The following PCDHGA4 variants were observed in gnomAD, a reference collection of about 807,000 sequenced individuals.
The protein encoded by PCDHGA4 is protocadherin gamma-A4.
Under a neutral mutation model 54.6 loss-of-function variants are expected in PCDHGA4, and 38 were observed. That is an observed-to-expected ratio of 0.70 (90% CI 0.54 to 0.91). The LOEUF (loss-of-function observed/expected upper bound fraction) is 0.91, where lower values mean the gene tolerates loss of function less well. PCDHGA4 is among the 40% of genes least tolerant of loss of function. The probability of loss-of-function intolerance (pLI) is 0.00; values close to 1 mark genes in which losing one functional copy is unlikely to be tolerated. For synonymous variants in PCDHGA4, 511 were observed against 512.9 expected (o/e 1.00, Z 0.05); for missense variants, 1,298 against 1,220.9 (o/e 1.06, Z -0.94).
chr5:141,399,721 G>C, intron 1 of PCDHGA4: 1 of 1,613,292 alleles, frequency 6.2e-7, no homozygotes, highest in Non-Finnish European at 8.5e-7. Flanking sequence ...ACAGGCCCGC[G>C]ACCAGGGCTC....
intron 1 of PCDHGA4, chr5:141,428,413 C>A: frequency 2.2e-6 from 1 of 461,904 alleles, no homozygotes; most frequent in Non-Finnish European, 4.0e-6. Context: ...TTGCTTTCAC[C>A]CTGGTCTCTG....
intron 1 of PCDHGA4, chr5:141,427,831 G>T: frequency 7.1e-6 from 11 of 1,539,366 alleles, no homozygotes; most frequent in Non-Finnish European, 9.8e-6. Context: ...GTCGCGCAGC[G>T]TGCCTTCGAC....
chr5:141,477,890 C>T lies in PCDHGA4; in HGVS notation c.2515-16917C>T, dbSNP rs202114426. ...TACCTCAGCTGGCCACCTAGTGTCA[C>T]GGGTGGTAGGCTGGGACGCGGATGC... is the stretch of plus-strand genomic sequence containing the variant. On this transcript the variant is annotated intron_variant, in intron 1 of 3. Coordinates refer to ENST00000571252, the MANE Select transcript of PCDHGA4 (RefSeq NM_018917.4). This position sits in a 1 kb window ranked among gnomAD's most constrained non-coding sequence, Gnocchi z 4.9. 9.9e-6 allele frequency: 16 copies of T among 1,614,086 alleles called. No individual in the cohort carries two copies. Among genetic ancestry groups the T allele is most frequent in the Admixed American group, 1.7e-5 (1 of 60,006 alleles).
chr5:141,478,435 G>A, intron 1 of PCDHGA4: 1 of 1,613,736 alleles, frequency 6.2e-7, no homozygotes, highest in Non-Finnish European at 8.5e-7. Context: ...ACCCGCTGCT[G>A]AAGAAACCTG....
chr5:141,388,433 A>G, intron 1 of PCDHGA4: 1 of 1,613,878 alleles, frequency 6.2e-7, no homozygotes, highest in Non-Finnish European at 8.5e-7. Flanking sequence ...TGATAAATAA[A>G]GAGAAATCAG....
rs1430298222 is a variant in PCDHGA4, at chr5:141,476,741, A to C, written c.2515-18066A>C. ...CGCCCTGGACCGAGAACGGGAGCCTAGTCTCCAGTTAGTGCTGACGGCGTT... is the reference window on the plus strand; with the variant it reads ...CGCCCTGGACCGAGAACGGGAGCCTCGTCTCCAGTTAGTGCTGACGGCGTT... On this transcript the variant is annotated intron_variant, in intron 1 of 3. Coordinates refer to ENST00000571252, the MANE Select transcript of PCDHGA4 (RefSeq NM_018917.4). The surrounding 1 kb of genome is among the most constrained non-coding windows in gnomAD (Gnocchi z 7.6). 1 of 1,613,936 alleles carries C rather than the reference A, an allele frequency of 6.2e-7. No homozygotes were observed. Among genetic ancestry groups the C allele is most frequent in the South Asian group, 1.1e-5 (1 of 91,088 alleles).
intron 1 of PCDHGA4, chr5:141,360,820 C>T: frequency 6.2e-7 from 1 of 1,613,944 alleles, no homozygotes; most frequent in Middle Eastern, 1.6e-4. Context: ...GACCCAAATC[C>T]GAATCAAAGT....
intron 1 of PCDHGA4, chr5:141,361,317 G>T (rs1244166990): frequency 6.2e-7 from 1 of 1,613,944 alleles, no homozygotes. Flanking sequence ...AGTTTATTTT[G>T]AAATCTTCCT....
chr5:141,478,744 T>C, intron 1 of PCDHGA4: 1 of 1,528,172 alleles, frequency 6.5e-7, no homozygotes, highest in Non-Finnish European at 8.8e-7. Flanking sequence ...TGTGGTCCCA[T>C]TTCAGGGGGA....
rs772659046 is a variant in PCDHGA4 at position 141,426,970 on chromosome 5, A to C, written c.2515-67837A>C. On this transcript the variant is annotated intron_variant, in intron 1 of 3. Coordinates refer to ENST00000571252, the MANE Select transcript of PCDHGA4 (RefSeq NM_018917.4). Reference sequence around the variant, plus strand: ...ACTGGCACTGCTGCAATTCAAATTGAGGTCACTGATGCCAACGATAATGCC... The same window carrying C: ...ACTGGCACTGCTGCAATTCAAATTGCGGTCACTGATGCCAACGATAATGCC... 72 of 456,624 alleles carry C rather than the reference A, an allele frequency of 1.6e-4. No homozygotes were observed. In the Middle Eastern group the frequency reaches 1.6e-3, roughly 10 times the overall value. The allele number at this position is 456,624 out of a possible 1,614,324, so 28.3% of individuals were successfully genotyped here. A position where few individuals can be genotyped will look rare whatever the true frequency, so the allele number is the denominator to read the frequency against.
At chr5:141,435,925 A>G (rs978837252) in intron 1 of PCDHGA4, among the ~76,000 whole-genome samples, 16 of 152,166 alleles carry the variant, frequency 1.1e-4, no homozygotes, top group Non-Finnish European at 1.5e-5. Context: ...AAAATGCGGC[A>G]GTTGCTGCTT....
At chr5:141,388,686 G>A (rs1196254559) in intron 1 of PCDHGA4, 5 of 1,613,980 alleles carry the variant, frequency 3.1e-6, no homozygotes, top group Non-Finnish European at 4.2e-6. Context: ...GACTGCCACG[G>A]ACCAGGATGA....
intron 1 of PCDHGA4, chr5:141,408,837 T>A: frequency 6.2e-7 from 1 of 1,613,716 alleles, no homozygotes; most frequent in Non-Finnish European, 8.5e-7. Flanking sequence ...AGCTTGATAT[T>A]GACTGCCTTG....
chr5:141,391,303 ATTCTTTTTTTT>A (rs2092340493), intron 1 of PCDHGA4: 1 of 150,682 alleles, frequency 6.6e-6, no homozygotes, highest in South Asian at 2.1e-4. Flanking sequence ...ACGTCTTTCG[ATTCTTTTTTTT>A]TTCTTTTTTT....
intron 1 of PCDHGA4, chr5:141,385,033 C>T (rs749144502): frequency 1.2e-6 from 2 of 1,614,182 alleles, no homozygotes; most frequent in East Asian, 2.2e-5. Context: ...CCTCGTACTG[C>T]TGGCGCTCAG....
At chr5:141,393,143 T>G in intron 1 of PCDHGA4, 1 of 1,613,290 alleles carries the variant, frequency 6.2e-7, no homozygotes, top group Non-Finnish European at 8.5e-7. Context: ...ACACCCTGGT[T>G]GAGGATAAAG....
chr5:141,460,037 C>A (rs1203902962), intron 1 of PCDHGA4, among the ~76,000 whole-genome samples: 1 of 152,120 alleles, frequency 6.6e-6, no homozygotes, highest in African/African-American at 2.4e-5. Context: ...GAGACTGCAC[C>A]ACTGCACTCC....
Position 141,357,189 on chromosome 5 carries a change from T to A in PCDHGA4, c.2082T>A (p.Ala694=). ...CGGCCACCGTCACACTCACTGTGGC[T>A]GTGGCCGACAGCATCCCAGATGTCC... The part of the protein sequence containing the change: ...PLSATVTLTV[A]VADSIPDVLA... The change falls in exon 1 of 4, where the codon GCT becomes GCA. Residue 694 remains alanine (A), a synonymous_variant. Coordinates refer to ENST00000571252, the MANE Select transcript of PCDHGA4 (RefSeq NM_018917.4). 1 of 1,613,760 alleles carries A rather than the reference T, an allele frequency of 6.2e-7. No individual in the cohort carries two copies. Among genetic ancestry groups the A allele is most frequent in the Non-Finnish European group, 8.5e-7 (1 of 1,179,874 alleles).
Position 141,400,134 on chromosome 5 carries a change from G to A in PCDHGA4, c.2514+42513G>A, listed in dbSNP as rs373375631. The A allele has an allele frequency of 6.8e-6, 11 of 1,613,954 alleles. No homozygotes were observed. In the African/African-American group the frequency reaches 9.3e-5, roughly 14 times the overall value. Reference sequence around the variant, plus strand: ...CTGACAGCTTGCAGGAGGTGCTGCCGGATATCACTGACCGCCCTGTACCCT... The same window carrying A: ...CTGACAGCTTGCAGGAGGTGCTGCCAGATATCACTGACCGCCCTGTACCCT... On this transcript the variant is annotated intron_variant, in intron 1 of 3. Coordinates refer to ENST00000571252, the MANE Select transcript of PCDHGA4 (RefSeq NM_018917.4).
Sources: allele counts gnomAD v4.1 joint callset (sites outside exome capture counted in the v4.1 genomes callset), GRCh38; gene constraint gnomAD v4.1.1; non-coding constraint Gnocchi (gnomAD v3.1); transcripts MANE v1.5; gene names NCBI Gene and HGNC (gene_info 2026-07-23, HGNC 2026-07-21).